Variants in ASTN2 observed in about 807,000 individuals in gnomAD.
The protein encoded by ASTN2 is astrotactin 2, also known as astrotactin-2.
ASTN2 carries 54 observed loss-of-function variants against 139.8 expected under a neutral mutation model. The observed-to-expected ratio is 0.39, with a 90% confidence interval of 0.31 to 0.48. The LOEUF (loss-of-function observed/expected upper bound fraction) is 0.48, where lower values mean the gene tolerates loss of function less well. Among genes scored for constraint, ASTN2 ranks in the 20% least tolerant of loss-of-function variants. The pLI is 0.95. For missense variants in ASTN2, 1,565 were observed against 1,725.1 expected (o/e 0.91, Z 1.64); for synonymous variants, 756 against 719.5 (o/e 1.05, Z -0.81).
At chr9:116,999,557 T>C (rs1384352373) in intron 7 of ASTN2, among the ~76,000 whole-genome samples, 108 of 64,870 alleles carry the variant, frequency 1.7e-3, no homozygotes, top group African/African-American at 4.3e-3. Context: ...TCTTTTTTTT[T>C]TTTTTTTTTT....
intron 11 of ASTN2, among the ~76,000 whole-genome samples, chr9:116,832,241 T>C (rs982582465): frequency 6.6e-6 from 1 of 152,210 alleles, no homozygotes; most frequent in Non-Finnish European, 1.5e-5. Context: ...ATTTATTTTG[T>C]AGATTCCCTG....
chr9:117,083,691 G>C (rs1274490331), intron 5 of ASTN2, among the ~76,000 whole-genome samples: 1 of 152,180 alleles, frequency 6.6e-6, no homozygotes, highest in African/African-American at 2.4e-5. Context: ...ATCCTGCTGA[G>C]CCTAGTTGAA....
chr9:116,946,162 A>G (rs1835388198), intron 10 of ASTN2, among the ~76,000 whole-genome samples: 1 of 152,198 alleles, frequency 6.6e-6, no homozygotes, highest in Non-Finnish European at 1.5e-5. Context: ...ACACTTGGGG[A>G]TTACAATTTG....
intron 2 of ASTN2, among the ~76,000 whole-genome samples, chr9:117,246,753 T>C (rs898925664): frequency 3.3e-5 from 5 of 152,130 alleles, no homozygotes; most frequent in Admixed American, 3.3e-4. Context: ...TGCCAGAAAA[T>C]AGGAAACAAG....
At chr9:116,499,455 T>C (rs1849782798) in intron 19 of ASTN2, among the ~76,000 whole-genome samples, 1 of 152,174 alleles carries the variant, frequency 6.6e-6, no homozygotes, top group South Asian at 2.1e-4. Context: ...TGGTCACTCT[T>C]TGCCTTCACC....
intron 19 of ASTN2, among the ~76,000 whole-genome samples, chr9:116,613,781 C>A (rs1855683188): frequency 6.6e-6 from 1 of 152,134 alleles, no homozygotes; most frequent in Non-Finnish European, 1.5e-5. Context: ...ACTGAATGGG[C>A]AAAAACTGGA....
chr9:116,457,462 A>G (rs934546693), intron 20 of ASTN2, among the ~76,000 whole-genome samples: 2 of 152,224 alleles, frequency 1.3e-5, no homozygotes, highest in African/African-American at 2.4e-5. Flanking sequence ...ACAAGGGATT[A>G]ATAACCAGAA....
At chr9:117,045,096 A>G (rs1402909702) in intron 5 of ASTN2, among the ~76,000 whole-genome samples, 4 of 152,088 alleles carry the variant, frequency 2.6e-5, no homozygotes, top group African/African-American at 4.8e-5. Context: ...GGTCAGGCAT[A>G]TCTATGTTCA....
chr9:117,399,550 A>G (rs926130256), intron 1 of ASTN2, among the ~76,000 whole-genome samples: 1 of 152,218 alleles, frequency 6.6e-6, no homozygotes, highest in Non-Finnish European at 1.5e-5. Flanking sequence ...TTTGCAGGCT[A>G]TCTTCCATTT....
At chr9:116,792,964 A>C (rs967228435) in intron 13 of ASTN2, among the ~76,000 whole-genome samples, 3 of 152,116 alleles carry the variant, frequency 2.0e-5, no homozygotes, top group African/African-American at 7.2e-5. Flanking sequence ...GGAAGGAGAA[A>C]GGGGACAAGG....
chr9:117,339,793 G>A (rs567794321), intron 1 of ASTN2, among the ~76,000 whole-genome samples: 1 of 151,676 alleles, frequency 6.6e-6, no homozygotes, highest in South Asian at 2.1e-4. Context: ...GGGAAGAGAA[G>A]CACACATACC....
intron 7 of ASTN2, among the ~76,000 whole-genome samples, chr9:116,991,545 G>T (rs182519597): frequency 6.7e-6 from 1 of 149,718 alleles, no homozygotes; most frequent in African/African-American, 2.5e-5. Context: ...GATAATAATC[G>T]TCACAATAAC....
At chr9:117,138,999 A>C (rs1195599168) in intron 4 of ASTN2, among the ~76,000 whole-genome samples, 1 of 152,206 alleles carries the variant, frequency 6.6e-6, no homozygotes, top group Admixed American at 6.5e-5. Context: ...ATTCATTGAC[A>C]TAAAAATGTT....
intron 3 of ASTN2, among the ~76,000 whole-genome samples, chr9:117,201,256 CT>C (rs1409664797): frequency 2.0e-5 from 3 of 151,444 alleles, no homozygotes; most frequent in African/African-American, 7.3e-5. Flanking sequence ...CTATTTGATT[CT>C]TCTCTCTGTT....
At chr9:117,229,920 A>AT (rs1238497984) in intron 2 of ASTN2, among the ~76,000 whole-genome samples, 1 of 152,134 alleles carries the variant, frequency 6.6e-6, no homozygotes, top group African/African-American at 2.4e-5. Flanking sequence ...AAGTGGGAGA[A>AT]TTTCATGAAG....
intron 10 of ASTN2, among the ~76,000 whole-genome samples, chr9:116,919,051 T>C (rs894910056): frequency 4.6e-5 from 7 of 152,136 alleles, no homozygotes; most frequent in African/African-American, 1.4e-4. Context: ...TTTTCTCATC[T>C]CTAAAAGGGA....
At chr9:116,984,340 T>A (rs1026569615) in intron 7 of ASTN2, among the ~76,000 whole-genome samples, 1 of 152,206 alleles carries the variant, frequency 6.6e-6, no homozygotes, top group Non-Finnish European at 1.5e-5. Context: ...AAACTCTCAG[T>A]GGTTTTCAGT....
chr9:117,042,282 T>C lies in ASTN2; in HGVS notation c.1277-2317A>G, dbSNP rs186665995. 2.0e-3 allele frequency among the ~76,000 whole-genome samples: 312 copies of C among 152,332 alleles called. 2 individuals carry two copies. Among genetic ancestry groups the C allele is most frequent in the African/African-American group, 6.8e-3 (284 of 41,580 alleles). On this transcript the variant is annotated intron_variant, in intron 5 of 22. Transcript: ENST00000313400. ...TGCCTGTATGGAAATCTATTTTTCT[T>C]AATAAACAGTGACCTGCTTGAAGGA... is the stretch of plus-strand genomic sequence containing the variant.
At chr9:116,893,731 T>G (rs1004258692) in intron 10 of ASTN2, among the ~76,000 whole-genome samples, 8 of 152,116 alleles carry the variant, frequency 5.3e-5, no homozygotes, top group African/African-American at 1.9e-4. Context: ...ACCTTAGTAA[T>G]TATTTCCCTT....
Sources: allele counts gnomAD v4.1 joint callset (sites outside exome capture counted in the v4.1 genomes callset), GRCh38; gene constraint gnomAD v4.1.1; transcripts MANE v1.5; gene names NCBI Gene and HGNC (gene_info 2026-07-23, HGNC 2026-07-21).